ANKUB1: variants seen among roughly 807,000 people sequenced by gnomAD.
The protein encoded by ANKUB1 is protein ANKUB1.
Under a neutral mutation model 49.3 loss-of-function variants are expected in ANKUB1, and 42 were observed. The ratio of observed to expected loss-of-function variants is 0.85; its 90% CI spans 0.67 to 1.10. ANKUB1 has a LOEUF of 1.10. Among genes scored for constraint, ANKUB1 ranks in the 50% least tolerant of loss-of-function variants. The pLI is 0.00. For missense variants in ANKUB1, 613 were observed against 642.0 expected (o/e 0.95, Z 0.49); for synonymous variants, 222 against 231.0 (o/e 0.96, Z 0.35).
At chr3:149,781,001 CT>C (rs370353150) in intron 2 of ANKUB1, among the ~76,000 whole-genome samples, 12,373 of 132,628 alleles carry the variant, frequency 0.093, 405 homozygotes, top group African/African-American at 0.14. Flanking sequence ...GTCTGTCTTC[CT>C]TTTTTTTTTT....
chr3:149,771,940 T>A (rs367822475), intron 3 of ANKUB1, among the ~76,000 whole-genome samples: 19 of 152,262 alleles, frequency 1.2e-4, no homozygotes, highest in African/African-American at 4.3e-4. Context: ...AACCTGCTTT[T>A]TCTCCTGCAT....
At chr3:149,788,559 C>A (rs1718217191) in intron 2 of ANKUB1, among the ~76,000 whole-genome samples, 1 of 152,006 alleles carries the variant, frequency 6.6e-6, no homozygotes. Context: ...AGGTTGGTTT[C>A]ACTGAATAAC....
In ANKUB1 at chr3:149,780,317, T is replaced by A; in HGVS notation, c.373A>T (p.Ser125Cys). 2 of 1,551,782 alleles carry A rather than the reference T, an allele frequency of 1.3e-6. No individual in the cohort carries two copies. Among genetic ancestry groups the A allele is most frequent in the South Asian group, 1.2e-5 (1 of 84,056 alleles). ...LVTLRCGLPV[S>C]VYCLRTPRGL... ...CTTGGGGTTCGGAGACAGTAGACAC[T>A]CACGGGGAGGCCACATCTCAGAGTT... Residue 125 changes from serine (S) to cysteine (C), a missense_variant, in exon 3 of 6, where the codon AGT becomes TGT. By Grantham distance (112) the Ser-to-Cys change is moderately radical. Transcript: ENST00000446160.
At chr3:149,773,290 C>A (rs923712309) in intron 3 of ANKUB1, among the ~76,000 whole-genome samples, 7 of 152,098 alleles carry the variant, frequency 4.6e-5, no homozygotes, top group African/African-American at 1.4e-4. Context: ...TCTGTTACTC[C>A]TTACTCTGGT....
Position 149,761,288 on chromosome 3 carries a change from C to A in ANKUB1, c.*196G>T, listed in dbSNP as rs555709322. On this transcript the variant is annotated 3_prime_UTR_variant, in exon 6 of 6. Transcript: ENST00000446160. ...TGAATTCTTCCTCATATTCTTTATGCAAAAATAGCACTAAAGTTTCACTTA... is the reference window on the plus strand; with the variant it reads ...TGAATTCTTCCTCATATTCTTTATGAAAAAATAGCACTAAAGTTTCACTTA... 4.0e-5 allele frequency: 22 copies of A among 543,422 alleles called. No individual in the cohort carries two copies. The highest frequency in any genetic ancestry group is 3.6e-4 in the African/African-American group (19 of 52,538). The allele number at this position is 543,422 out of a possible 1,614,324, so 33.7% of individuals were successfully genotyped here.
At chr3:149,773,739 G>A (rs1377481978) in intron 3 of ANKUB1, among the ~76,000 whole-genome samples, 9 of 152,180 alleles carry the variant, frequency 5.9e-5, no homozygotes, top group Non-Finnish European at 1.2e-4. Flanking sequence ...CAAATGAGCA[G>A]TAGAAAGCTT....
intron 1 of ANKUB1, among the ~76,000 whole-genome samples, chr3:149,791,997 A>G (rs1182006040): frequency 6.6e-6 from 1 of 152,002 alleles, no homozygotes; most frequent in African/African-American, 2.4e-5. Context: ...CAATAATATT[A>G]TCTGGCCTAT....
intron 3 of ANKUB1, 23 bp from the exon 4 acceptor site, chr3:149,770,697 T>A (rs1480818562): frequency 6.9e-7 from 1 of 1,451,252 alleles, no homozygotes; most frequent in East Asian, 2.5e-5. Flanking sequence ...AGAGGTGGTT[T>A]ATGGTTCCAG....
chr3:149,773,164 C>G (rs1717441538), intron 3 of ANKUB1, among the ~76,000 whole-genome samples: 1 of 151,772 alleles, frequency 6.6e-6, no homozygotes, highest in African/African-American at 2.4e-5. Context: ...TGCTTCCCCT[C>G]TCTTTTCCTT....
rs1160145996 is a variant in ANKUB1, at chr3:149,767,405, T to A, written c.1257A>T (p.Leu419Phe). ...PLVNASSFSE[L>F]QKHQQQNQKK... Reference sequence around the variant, plus strand: ...TCTGATTTTGTTGTTGATGTTTTTGTAATTCAGAGAATGAACTTGCATTCA... The same window carrying A: ...TCTGATTTTGTTGTTGATGTTTTTGAAATTCAGAGAATGAACTTGCATTCA... The change falls in exon 5 of 6, where the codon TTA becomes TTT. Residue 419 changes from leucine to phenylalanine, a missense_variant. Physicochemically the swap from Leu to Phe is conservative, Grantham distance 22. Transcript: ENST00000446160. 6.4e-7 allele frequency: 1 copy of A among 1,551,736 alleles called. No homozygotes were observed. The highest frequency in any genetic ancestry group is 2.0e-5 in the Admixed American group (1 of 51,000).
chr3:149,763,636 C>T lies in ANKUB1; in HGVS notation c.1506-2023G>A, dbSNP rs73005767. Among the ~76,000 whole-genome samples the T allele has an allele frequency of 5.1e-3, 772 of 152,276 alleles. 8 individuals are homozygous for T. Among genetic ancestry groups the T allele is most frequent in the African/African-American group, 0.017 (703 of 41,566 alleles). On this transcript the variant is annotated intron_variant, in intron 5 of 5. Coordinates refer to ENST00000446160, the MANE Select transcript of ANKUB1 (RefSeq NM_001144960.3). ...TTTGAATCTTTACTTAACTGGACTC[C>T]CAGGTCACATAAACCTCTCTGGAAT...
chr3:149,763,938 A>G, intron 5 of ANKUB1: 1 of 456,298 alleles, frequency 2.2e-6, no homozygotes. Flanking sequence ...TGGTCCAACA[A>G]GTACTTTCAC....
At chr3:149,774,024 C>T (rs1334383846) in intron 3 of ANKUB1, among the ~76,000 whole-genome samples, 1 of 152,160 alleles carries the variant, frequency 6.6e-6, no homozygotes, top group Non-Finnish European at 1.5e-5. Context: ...AGGTCAGTAA[C>T]TCAGAGGGTT....
chr3:149,769,520 C>A (rs1436128520), intron 4 of ANKUB1, among the ~76,000 whole-genome samples: 1 of 152,180 alleles, frequency 6.6e-6, no homozygotes, highest in African/African-American at 2.4e-5. Flanking sequence ...TTGATAAAAA[C>A]CATCATACGC....
intron 3 of ANKUB1, among the ~76,000 whole-genome samples, chr3:149,771,802 A>G (rs540682043): frequency 7.2e-5 from 11 of 152,046 alleles, no homozygotes; most frequent in Non-Finnish European, 1.0e-4. Flanking sequence ...GGTGTCACTC[A>G]TTCCCAAGTC....
At chr3:149,764,010 A>T (rs1559860105) in intron 5 of ANKUB1, 1 of 456,128 alleles carries the variant, frequency 2.2e-6, no homozygotes, top group Non-Finnish European at 4.4e-6. Context: ...GGAACATCTG[A>T]TGGTCACTTT....
At chr3:149,761,715 A>C (rs930314221) in intron 5 of ANKUB1, 102 bp from the exon 6 acceptor site, 1 of 1,335,394 alleles carries the variant, frequency 7.5e-7, no homozygotes, top group Non-Finnish European at 1.0e-6. Flanking sequence ...AGCTAGGGCT[A>C]GTTTGTCTTG....
At chr3:149,776,866 A>G (rs1717618336) in intron 3 of ANKUB1, among the ~76,000 whole-genome samples, 1 of 151,976 alleles carries the variant, frequency 6.6e-6, no homozygotes, top group Non-Finnish European at 1.5e-5. Flanking sequence ...AGTCCCAGCT[A>G]CTCAGGAGGC....
In ANKUB1 at chr3:149,790,863, T is replaced by C. The variant is rs1559873191; in HGVS notation, c.152A>G (p.Tyr51Cys). The C allele has an allele frequency of 2.6e-6, 4 of 1,552,118 alleles. No homozygotes were observed. Among genetic ancestry groups the C allele is most frequent in the Non-Finnish European group, 3.5e-6 (4 of 1,147,090 alleles). The stretch of plus-strand genomic sequence containing the variant: ...ACTGTCCTTTAGAGCAGCTCCAGCA[T>C]ACATTAACTCCAGATACCGCCTGCC... ...KQGRRYLELM[Y>C]AGAALKDSWS... is the part of the protein sequence containing the mutation. Residue 51 changes from tyrosine (Y) to cysteine (C), a missense_variant, in exon 2 of 6, where the codon TAT becomes TGT. Coordinates refer to ENST00000446160, the MANE Select transcript of ANKUB1 (RefSeq NM_001144960.3).
Sources: gnomAD v4.1 joint callset for allele counts (sites outside exome capture counted in the v4.1 genomes callset) on GRCh38, gnomAD v4.1.1 for gene constraint, MANE v1.5 for transcripts, NCBI Gene and HGNC (gene_info 2026-07-23, HGNC 2026-07-21) for gene names.